Variants in PARP10 observed in about 807,000 individuals in gnomAD.
PARP10 encodes the protein protein mono-ADP-ribosyltransferase PARP10.
Under a neutral mutation model 82.4 loss-of-function variants are expected in PARP10, and 56 were observed. The ratio of observed to expected loss-of-function variants is 0.68; its 90% CI spans 0.55 to 0.85. The LOEUF (loss-of-function observed/expected upper bound fraction) is 0.85. Ranked by LOEUF, PARP10 falls within the 40% of genes least tolerant of loss-of-function variation. The pLI is 0.00. For missense variants in PARP10, 1,227 were observed against 1,379.4 expected (o/e 0.89, Z 1.75); for synonymous variants, 576 against 601.1 (o/e 0.96, Z 0.61).
At chr8:143,980,319 C>CAAAAAAAAAAA (rs564801582) in intron 9 of PARP10, among the ~76,000 whole-genome samples, 1 of 16,096 alleles carries the variant, frequency 6.2e-5, no homozygotes, top group Admixed American at 1.4e-3. Context: ...GATTCCGTCT[C>CAAAAAAAAAAA]AAAAAAAAAA....
In PARP10 at chr8:144,008,409, T is replaced by C. The variant is rs1238975621; in HGVS notation, c.-80+4121A>G. Among the ~76,000 whole-genome samples, 3 of 152,206 alleles carry C rather than the reference T, an allele frequency of 2.0e-5. No homozygotes were observed. The highest frequency in any genetic ancestry group is 2.9e-5 in the Non-Finnish European group (2 of 68,028). The stretch of plus-strand genomic sequence containing the variant: ...TGAAGGCCTTGCCAAGCTGAAATGC[T>C]GAGCGGAATCAAATGAGGCAAATTT... On this transcript the variant is annotated intron_variant, in intron 1 of 3. Transcript: ENST00000530478. The surrounding 1 kb of genome is among the most constrained non-coding windows in gnomAD (Gnocchi z 4.0).
At chr8:143,991,715 G>A (rs782809356), upstream of PARP10, 3 of 1,612,680 alleles carry the variant, frequency 1.9e-6, no homozygotes, top group Admixed American at 5.0e-5. Context: ...AAACTACCAG[G>A]AGGAGGGTCC....
Position 143,983,526 on chromosome 8 carries a change from A to C in PARP10, c.2063T>G (p.Leu688Arg). The change falls in exon 8 of 11, where the codon CTG becomes CGG. Residue 688 changes from leucine to arginine, a missense_variant. Coordinates refer to ENST00000313028, the MANE Select transcript of PARP10 (RefSeq NM_032789.5). ...ALRQALTLSLLEQPPLEAEEP... is the reference protein window; with the variant it reads ...ALRQALTLSLREQPPLEAEEP... ...TTCTGCCTCCAACGGGGGCTGCTCC[A>C]GCAGGGAGAGGGTTAGGGCTTGCCG... 1 of 1,606,120 alleles carries C rather than the reference A, an allele frequency of 6.2e-7. No individual in the cohort carries two copies. The highest frequency in any genetic ancestry group is 8.5e-7 in the Non-Finnish European group (1 of 1,176,666).
At chr8:143,980,811 C>T (rs1196247045) in intron 9 of PARP10, among the ~76,000 whole-genome samples, 2 of 152,164 alleles carry the variant, frequency 1.3e-5, no homozygotes, top group African/African-American at 4.8e-5. Flanking sequence ...TAGGATTTCA[C>T]TTCTCTTTCT....
rs1554748436 is a variant in PARP10, at chr8:143,983,775, A to C, written c.1814T>G (p.Leu605Arg). Reference sequence around the variant, plus strand: ...CAGCCAGTCCTCCCCGTCTAGGTCTAGGCCCTCCAGGGTGGCCAGCAGTTC... The same window carrying C: ...CAGCCAGTCCTCCCCGTCTAGGTCTCGGCCCTCCAGGGTGGCCAGCAGTTC... ...VRELLATLEG[L>R]DLDGEDWLPR... Residue 605 changes from leucine to arginine, a missense_variant, in exon 8 of 11, where the codon CTA becomes CGA. Leu to Arg is a moderately radical substitution (Grantham distance 102, BLOSUM62 -2). Coordinates refer to ENST00000313028, the MANE Select transcript of PARP10 (RefSeq NM_032789.5). The C allele has an allele frequency of 6.2e-7, 1 of 1,605,636 alleles. No homozygotes were observed. The highest frequency in any genetic ancestry group is 8.5e-7 in the Non-Finnish European group (1 of 1,174,700).
intron 9 of PARP10, among the ~76,000 whole-genome samples, chr8:143,978,783 G>C (rs190004713): frequency 3.9e-5 from 6 of 152,150 alleles, no homozygotes; most frequent in Middle Eastern, 3.4e-3. Context: ...GGTCTGAGCC[G>C]GCATAGCAGG....
At chr8:143,993,876 A>G (rs1554750998), upstream of PARP10, among the ~76,000 whole-genome samples, 1 of 152,186 alleles carries the variant, frequency 6.6e-6, no homozygotes, top group Non-Finnish European at 1.5e-5. Context: ...TGAGAAACAC[A>G]GGCTGGAGAT....
chr8:144,012,640 A>G, exon 1 of PARP10: 1 of 1,551,764 alleles, frequency 6.4e-7, no homozygotes, highest in Non-Finnish European at 8.7e-7. Flanking sequence ...TCAGCGATCA[A>G]GACTCAGGCA....
intron 1 of PARP10, among the ~76,000 whole-genome samples, chr8:143,996,384 C>T (rs958062193): frequency 6.6e-6 from 1 of 152,206 alleles, no homozygotes; most frequent in African/African-American, 2.4e-5. Context: ...TGCAAAGCAA[C>T]GCTGTCAATC....
chr8:144,001,359 A>G (rs1834201424), intron 1 of PARP10, among the ~76,000 whole-genome samples: 1 of 152,178 alleles, frequency 6.6e-6, no homozygotes, highest in Admixed American at 6.5e-5. Flanking sequence ...ACCTGGGATT[A>G]CAGGCGTGAG....
intron 1 of PARP10, among the ~76,000 whole-genome samples, chr8:144,005,249 C>G (rs1022765701): frequency 1.3e-5 from 2 of 151,328 alleles, no homozygotes; most frequent in African/African-American, 4.9e-5. Context: ...CCACCAAGTC[C>G]GAGATGAGCT....
rs1834187920 is a variant in PARP10 at position 143,999,692 on chromosome 8, G to T, written c.-80+12838C>A. ...AATTTTTATTTTTTATAGAGATGAGGTCTCCCAAAGTGCTAGGATTATAGG... is the reference window on the plus strand; with the variant it reads ...AATTTTTATTTTTTATAGAGATGAGTTCTCCCAAAGTGCTAGGATTATAGG... On this transcript the variant is annotated intron_variant, in intron 1 of 3. Coordinates refer to the PARP10 transcript ENST00000530478. Among the ~76,000 whole-genome samples, 4 of 150,172 alleles carry T rather than the reference G, an allele frequency of 2.7e-5. No individual in the cohort carries two copies. In the South Asian group the frequency reaches 8.5e-4, roughly 32 times the overall value.
chr8:144,009,791 G>A (rs571059278), intron 1 of PARP10, among the ~76,000 whole-genome samples: 30 of 152,188 alleles, frequency 2.0e-4, no homozygotes, highest in Admixed American at 9.8e-4. Context: ...TCCTGCCCTC[G>A]TTCTCGCCTT....
exon 1 of PARP10, chr8:144,012,573 G>A: frequency 1.3e-6 from 2 of 1,551,748 alleles, no homozygotes; most frequent in Non-Finnish European, 1.7e-6. Flanking sequence ...GCTGGTGCGG[G>A]AAAATGAGGA....
intron 9 of PARP10, among the ~76,000 whole-genome samples, chr8:143,980,204 C>CTGG (rs1833815410): frequency 6.6e-6 from 1 of 150,750 alleles, no homozygotes; most frequent in Non-Finnish European, 1.5e-5. Flanking sequence ...CCTGTAGTCC[C>CTGG]AGCTACTCAG....
At chr8:144,002,010 G>T (rs903751753) in intron 1 of PARP10, among the ~76,000 whole-genome samples, 1 of 151,836 alleles carries the variant, frequency 6.6e-6, no homozygotes, top group Non-Finnish European at 1.5e-5. Flanking sequence ...AAACAATAAA[G>T]TGCCTGGGAT....
chr8:143,992,561 A>G (rs1554750733), upstream of PARP10: 5 of 1,614,172 alleles, frequency 3.1e-6, no homozygotes, highest in East Asian at 2.2e-5. Context: ...CCGGAACCGC[A>G]TCCTGGAGAT....
upstream of PARP10, chr8:143,992,972 T>C (rs994206037): frequency 4.1e-6 from 3 of 730,544 alleles, no homozygotes; most frequent in East Asian, 8.1e-5. Context: ...GATGCCTCTC[T>C]CCAACCCTCC....
At chr8:144,010,174 C>T (rs1287060838) in intron 1 of PARP10, among the ~76,000 whole-genome samples, 2 of 152,210 alleles carry the variant, frequency 1.3e-5, no homozygotes, top group African/African-American at 4.8e-5. Flanking sequence ...TCTCCCAGCA[C>T]CAGTGCCTCT....
Sources: allele counts gnomAD v4.1 joint callset (sites outside exome capture counted in the v4.1 genomes callset), GRCh38; gene constraint gnomAD v4.1.1; non-coding constraint Gnocchi (gnomAD v3.1); transcripts MANE v1.5; gene names NCBI Gene and HGNC (gene_info 2026-07-23, HGNC 2026-07-21).